The following DISC1 variants were observed in gnomAD, a reference collection of about 807,000 sequenced individuals.
DISC1 encodes the protein DISC1 scaffold protein, also known as disrupted in schizophrenia 1 protein.
DISC1 carries 57 observed loss-of-function variants against 84.5 expected under a neutral mutation model. The ratio of observed to expected loss-of-function variants is 0.67; its 90% CI spans 0.55 to 0.84. The LOEUF (loss-of-function observed/expected upper bound fraction) is 0.84, where lower values mean the gene tolerates loss of function less well. Ranked by LOEUF, DISC1 falls within the 40% of genes least tolerant of loss-of-function variation. The pLI, the probability that DISC1 is intolerant of heterozygous loss-of-function variation, is 0.00. For synonymous variants in DISC1, 411 were observed against 415.2 expected (o/e 0.99, Z 0.12); for missense variants, 1,000 against 1,057.8 (o/e 0.95, Z 0.76).
chr1:231,848,113 TTTGA>T (rs2083594696), intron 9 of DISC1, among the ~76,000 whole-genome samples: 1 of 152,164 alleles, frequency 6.6e-6, no homozygotes, highest in Non-Finnish European at 1.5e-5. Flanking sequence ...TGTCTGTGAC[TTTGA>T]TTGTTTTAAC....
rs1401783421 is a variant in DISC1, at chr1:231,750,041, A to G, written c.1233A>G (p.Gln411=). Residue 411 remains glutamine, a synonymous_variant, in exon 4 of 13, where the codon CAA becomes CAG. Transcript: ENST00000439617. ...GTTTCCTGGGTCACCTGGCAGCACA[A>G]GTCCAGGCTGCCTTGCGCCGTGGGG... is the stretch of plus-strand genomic sequence containing the variant. ...LSSFLGHLAA[Q]VQAALRRGAT... 6.2e-7 allele frequency: 1 copy of G among 1,614,072 alleles called. No homozygotes were observed. The highest frequency in any genetic ancestry group is 1.3e-5 in the African/African-American group (1 of 74,930).
chr1:231,877,931 A>G lies in DISC1; in HGVS notation c.1981+59414A>G, dbSNP rs554761866. Among the ~76,000 whole-genome samples, 11 of 152,366 alleles carry G rather than the reference A, an allele frequency of 7.2e-5. 2 individuals are homozygous for G. Among genetic ancestry groups the G allele is most frequent in the African/African-American group, 2.6e-4 (11 of 41,590 alleles). On this transcript the variant is annotated intron_variant, in intron 9 of 12. Transcript: ENST00000439617. ...CATGGTAAATGGAAATTGAGTGGTA[A>G]GTATCTCAATTCATATTCACTGAGG... is the stretch of plus-strand genomic sequence containing the variant.
chr1:231,907,169 C>CTTTCTT (rs1475391448), intron 9 of DISC1, among the ~76,000 whole-genome samples: 2 of 121,368 alleles, frequency 1.6e-5, no homozygotes, highest in East Asian at 2.5e-4. Context: ...TTCTTTCTTT[C>CTTTCTT]TCTTTCTTTT....
intron 3 of DISC1, among the ~76,000 whole-genome samples, chr1:231,740,805 A>T (rs1238089337): frequency 6.6e-6 from 1 of 152,178 alleles, no homozygotes; most frequent in Admixed American, 6.5e-5. Context: ...TTTCAAAATA[A>T]TTTTGCACAT....
chr1:231,979,622 TG>T (rs1663316423), intron 10 of DISC1, among the ~76,000 whole-genome samples: 1 of 151,180 alleles, frequency 6.6e-6, no homozygotes, highest in African/African-American at 2.4e-5. Context: ...TAAAAGCATA[TG>T]TATGTACATA....
chr1:231,676,691 G>A (rs986025393), intron 1 of DISC1, among the ~76,000 whole-genome samples: 2 of 152,100 alleles, frequency 1.3e-5, no homozygotes, highest in African/African-American at 4.8e-5. Flanking sequence ...CATTCCTTCA[G>A]TGTAATAAGT....
intron 8 of DISC1, among the ~76,000 whole-genome samples, chr1:231,816,676 C>T (rs1261320490): frequency 6.6e-6 from 1 of 152,014 alleles, no homozygotes; most frequent in East Asian, 1.9e-4. Context: ...CTTTCTTTTC[C>T]TCATTGACTT....
At chr1:231,811,490 T>G (rs180731355) in intron 8 of DISC1, among the ~76,000 whole-genome samples, 3 of 152,378 alleles carry the variant, frequency 2.0e-5, no homozygotes, top group African/African-American at 4.8e-5. Context: ...GTCTACTATT[T>G]CTGGAGTTTG....
At chr1:231,989,703 A>G (rs920560184) in intron 10 of DISC1, among the ~76,000 whole-genome samples, 2 of 152,216 alleles carry the variant, frequency 1.3e-5, no homozygotes, top group East Asian at 3.9e-4. Context: ...AGACAGGCAT[A>G]TGAGCAGAAG....
intron 10 of DISC1, among the ~76,000 whole-genome samples, chr1:231,966,558 C>A (rs1441351151): frequency 6.6e-6 from 1 of 152,198 alleles, no homozygotes; most frequent in East Asian, 1.9e-4. Flanking sequence ...GTCTCTGGAC[C>A]AAGTGGGCCA....
intron 9 of DISC1, among the ~76,000 whole-genome samples, chr1:231,947,650 T>C (rs1015176230): frequency 6.6e-6 from 1 of 152,070 alleles, no homozygotes; most frequent in Non-Finnish European, 1.5e-5. Flanking sequence ...CAAAAGAAAT[T>C]ATCATCAGCA....
chr1:231,987,852 A>T (rs1484205202), intron 10 of DISC1, among the ~76,000 whole-genome samples: 2 of 152,200 alleles, frequency 1.3e-5, no homozygotes, highest in African/African-American at 4.8e-5. Flanking sequence ...ATATGAGTGC[A>T]TGTGACTTGG....
At chr1:231,880,052 A>C (rs2086183571) in intron 9 of DISC1, among the ~76,000 whole-genome samples, 1 of 152,220 alleles carries the variant, frequency 6.6e-6, no homozygotes. Context: ...GCTGGGGCCT[A>C]TAAGAGGTGG....
chr1:231,683,448 CAG>C (rs2063896356), intron 1 of DISC1, among the ~76,000 whole-genome samples: 1 of 142,294 alleles, frequency 7.0e-6, no homozygotes, highest in Non-Finnish European at 1.5e-5. Context: ...TTTTTTGAGA[CAG>C]AGTCTTGCTC....
intron 9 of DISC1, among the ~76,000 whole-genome samples, chr1:231,852,030 A>G (rs146969818): frequency 6.6e-6 from 1 of 152,194 alleles, no homozygotes; most frequent in Non-Finnish European, 1.5e-5. Context: ...TTCTACTGCT[A>G]CAGCAGGAAC....
Position 231,626,794 on chromosome 1 carries a change from T to TC in DISC1, c.-68dup, listed in dbSNP as rs1023344986. On this transcript the variant is annotated 5_prime_UTR_variant, in exon 1 of 13. Coordinates refer to ENST00000439617, the MANE Select transcript of DISC1 (RefSeq NM_018662.3). Reference sequence around the variant, plus strand: ...CTTCCCGTCCAGCGCGCTGCTCCCTTCCCCCCGCCTCTGGCCTCGGGGAAG... The same window carrying TC: ...CTTCCCGTCCAGCGCGCTGCTCCCTTCCCCCCCGCCTCTGGCCTCGGGGAAG... 7.8e-6 allele frequency: 9 copies of TC among 1,160,068 alleles called. No homozygotes were observed. The highest frequency in any genetic ancestry group is 3.1e-5 in the East Asian group (1 of 32,618). 71.9% of individuals were successfully genotyped at this position (1,160,068 alleles called of 1,614,324 possible).
At chr1:231,765,506 C>T (rs758322902) in intron 4 of DISC1, among the ~76,000 whole-genome samples, 6 of 152,188 alleles carry the variant, frequency 3.9e-5, no homozygotes, top group Non-Finnish European at 8.8e-5. Context: ...TTTTTCCCCA[C>T]TTGTCGTTCG....
At chr1:231,881,215 G>T (rs1423203272) in intron 9 of DISC1, among the ~76,000 whole-genome samples, 1 of 152,120 alleles carries the variant, frequency 6.6e-6, no homozygotes, top group Non-Finnish European at 1.5e-5. Flanking sequence ...CTGGCAACAG[G>T]GCCTCTGCAT....
At chr1:231,878,662 A>C (rs1305263719) in intron 9 of DISC1, among the ~76,000 whole-genome samples, 1 of 152,130 alleles carries the variant, frequency 6.6e-6, no homozygotes, top group African/African-American at 2.4e-5. Flanking sequence ...TGTAATATGC[A>C]TGCAAGAAAG....
Sources: allele counts gnomAD v4.1 joint callset (sites outside exome capture counted in the v4.1 genomes callset), GRCh38; gene constraint gnomAD v4.1.1; transcripts MANE v1.5; gene names NCBI Gene and HGNC (gene_info 2026-07-23, HGNC 2026-07-21).